The following MINDY3 variants were observed in gnomAD, a reference collection of about 807,000 sequenced individuals.
MINDY3 encodes the protein MINDY lysine 48 deubiquitinase 3, also known as ubiquitin carboxyl-terminal hydrolase MINDY-3.
MINDY3 carries 38 observed loss-of-function variants against 69.2 expected under a neutral mutation model. The observed-to-expected ratio is 0.55, with a 90% CI of 0.42 to 0.72. The LOEUF is 0.72. Among genes scored for constraint, MINDY3 ranks in the 30% least tolerant of loss-of-function variants. The pLI is 0.00. For synonymous variants in MINDY3, 192 were observed against 180.1 expected (o/e 1.07, Z -0.53); for missense variants, 522 against 519.0 (o/e 1.01, Z -0.06).
chr10:15,836,857 T>G (rs1002326584), intron 6 of MINDY3, among the ~76,000 whole-genome samples: 3 of 151,252 alleles, frequency 2.0e-5, no homozygotes, highest in African/African-American at 7.3e-5. Flanking sequence ...CAGTGATTTT[T>G]CAAAAAAAAA....
rs532430984 is a variant in MINDY3, at chr10:15,841,687, T to C, written c.236-88A>G. 4 of 732,778 alleles carry C rather than the reference T, an allele frequency of 5.5e-6. No individual in the cohort carries two copies. The South Asian group carries it at 1.2e-4, about 22-fold the overall frequency. The allele number at this position is 732,778 out of a possible 1,614,324, so 45.4% of individuals were successfully genotyped here. Reference sequence around the variant, plus strand: ...AATAACAATAGTAAGAATGGGTTAATGATGAAAATCAAGCATTTTAAAAAT... The same window carrying C: ...AATAACAATAGTAAGAATGGGTTAACGATGAAAATCAAGCATTTTAAAAAT... On this transcript the variant is annotated intron_variant, in intron 3 of 14. Transcript: ENST00000277632.
At chr10:15,833,228 C>T (rs1832850697) in intron 8 of MINDY3, among the ~76,000 whole-genome samples, 2 of 152,170 alleles carry the variant, frequency 1.3e-5, no homozygotes, top group Admixed American at 1.3e-4. Flanking sequence ...AAAGTACGCA[C>T]ATTAAAAGTA....
chr10:15,789,941 C>A (rs1229203928), intron 11 of MINDY3, among the ~76,000 whole-genome samples: 1 of 152,132 alleles, frequency 6.6e-6, no homozygotes, highest in Non-Finnish European at 1.5e-5. Flanking sequence ...CAGACCATGA[C>A]ACACACAAAG....
intron 9 of MINDY3, among the ~76,000 whole-genome samples, chr10:15,820,794 T>C (rs1839704850): frequency 6.6e-6 from 1 of 152,198 alleles, no homozygotes; most frequent in African/African-American, 2.4e-5. Context: ...ACCCCTGCTA[T>C]GGAACCCTGT....
At chr10:15,837,116 C>A in intron 6 of MINDY3, 88 bp downstream of exon 6, 1 of 666,600 alleles carries the variant, frequency 1.5e-6, no homozygotes, top group Admixed American at 2.9e-5. Context: ...TTAAAAACAC[C>A]ATCAGGAATA....
intron 10 of MINDY3, among the ~76,000 whole-genome samples, chr10:15,805,202 T>C (rs556518496): frequency 3.9e-5 from 6 of 152,288 alleles, no homozygotes; most frequent in African/African-American, 7.2e-5. Flanking sequence ...TAGACGACGT[T>C]CTTGGAGGTT....
chr10:15,849,150 A>G (rs989237257), intron 1 of MINDY3, among the ~76,000 whole-genome samples: 1 of 152,254 alleles, frequency 6.6e-6, no homozygotes. Flanking sequence ...CTATACTATC[A>G]TAACAGATAA....
At chr10:15,810,923 T>C (rs185229411) in intron 10 of MINDY3, among the ~76,000 whole-genome samples, 2 of 152,186 alleles carry the variant, frequency 1.3e-5, no homozygotes, top group Admixed American at 1.3e-4. Flanking sequence ...CGTCTAGAAG[T>C]GGACAACAAT....
intron 12 of MINDY3, 173 bp downstream of exon 12, chr10:15,789,074 T>A: frequency 2.3e-6 from 1 of 434,970 alleles, no homozygotes; most frequent in Non-Finnish European, 4.1e-6. Context: ...TTTAAGTATG[T>A]CAAGTCTGCT....
chr10:15,814,371 C>T (rs1419466841), intron 10 of MINDY3, among the ~76,000 whole-genome samples: 11 of 151,856 alleles, frequency 7.2e-5, no homozygotes, highest in Admixed American at 1.3e-4. Context: ...CACAATGAGT[C>T]GTGTAAAATA....
chr10:15,851,510 C>T (rs940326513), intron 1 of MINDY3, among the ~76,000 whole-genome samples: 3 of 151,880 alleles, frequency 2.0e-5, no homozygotes, highest in South Asian at 2.1e-4. Context: ...GCTTGATACA[C>T]CTGCTAACCA....
chr10:15,814,113 A>G (rs1442606410), intron 10 of MINDY3, among the ~76,000 whole-genome samples: 1 of 152,180 alleles, frequency 6.6e-6, no homozygotes, highest in Non-Finnish European at 1.5e-5. Context: ...AATTTCCAGT[A>G]TTTTTTATGT....
At chr10:15,780,213 G>A (rs1836414994) in intron 14 of MINDY3, among the ~76,000 whole-genome samples, 1 of 151,940 alleles carries the variant, frequency 6.6e-6, no homozygotes, top group Non-Finnish European at 1.5e-5. Context: ...ATTAAATATA[G>A]GAATAGAATA....
rs756206677 is a variant in MINDY3 at position 15,834,524 on chromosome 10, A to G, written c.650+19T>C. On this transcript the variant is annotated intron_variant, in intron 7 of 14. Transcript: ENST00000277632. ...AAACTGGAGTTCACATGAGGAGACA[A>G]GAGATTTTAGTTAATTACCTGCCAT... 4 of 1,558,046 alleles carry G rather than the reference A, an allele frequency of 2.6e-6. No individual in the cohort carries two copies. The highest frequency in any genetic ancestry group is 4.5e-5 in the East Asian group (2 of 44,454).
At chr10:15,798,093 CT>C (rs955155610) in intron 10 of MINDY3, among the ~76,000 whole-genome samples, 1 of 151,970 alleles carries the variant, frequency 6.6e-6, no homozygotes, top group Admixed American at 6.6e-5. Flanking sequence ...CATTCTCAAC[CT>C]TTTTTTGCGG....
chr10:15,818,257 G>A (rs1165506532), intron 9 of MINDY3, among the ~76,000 whole-genome samples: 1 of 151,726 alleles, frequency 6.6e-6, no homozygotes, highest in African/African-American at 2.4e-5. Flanking sequence ...CTCGTGTGGT[G>A]AAGAGATTAG....
chr10:15,817,174 T>C, intron 9 of MINDY3: 1 of 351,380 alleles, frequency 2.8e-6, no homozygotes, highest in Non-Finnish European at 5.1e-6. Context: ...GAGATAACTA[T>C]TTAGCCCTAA....
At chr10:15,788,074 G>GAA (rs375568228) in intron 12 of MINDY3, among the ~76,000 whole-genome samples, 5 of 145,146 alleles carry the variant, frequency 3.4e-5, no homozygotes, top group African/African-American at 1.2e-4. Context: ...GAAGAATTTG[G>GAA]AAAAAAAAAA....
chr10:15,836,771 T>TA lies in MINDY3; in HGVS notation c.576+432dup, dbSNP rs770598458. ...AGAGAAAAGAGCAGGAGGTAACAGA[T>TA]AAAGAAGGAAACAAAGCTATCAAAG... On this transcript the variant is annotated intron_variant, in intron 6 of 14. Coordinates refer to ENST00000277632, the MANE Select transcript of MINDY3 (RefSeq NM_024948.4). Among the ~76,000 whole-genome samples the TA allele has an allele frequency of 6.3e-4, 92 of 144,978 alleles. 1 individual carries two copies. The highest frequency in any genetic ancestry group is 5.9e-4 in the Non-Finnish European group (39 of 65,668).
Sources: allele counts gnomAD v4.1 joint callset (sites outside exome capture counted in the v4.1 genomes callset), GRCh38; gene constraint gnomAD v4.1.1; transcripts MANE v1.5; gene names NCBI Gene and HGNC (gene_info 2026-07-23, HGNC 2026-07-21).